Variants in ANXA4 observed in about 807,000 individuals in gnomAD.
ANXA4 encodes annexin A4, also known as 35-beta calcimedin.
Under a neutral mutation model 49.8 loss-of-function variants are expected in ANXA4, and 39 were observed. That is an observed-to-expected ratio of 0.78 (90% CI 0.61 to 1.02). ANXA4 has a LOEUF of 1.02. Among genes scored for constraint, ANXA4 ranks in the 50% least tolerant of loss-of-function variants. ANXA4 has a pLI of 0.00. For synonymous variants in ANXA4, 134 were observed against 152.5 expected (o/e 0.88, Z 0.89); for missense variants, 360 against 410.1 (o/e 0.88, Z 1.05).
chr2:69,758,431 G>C (rs1353367058), intron 1 of ANXA4, among the ~76,000 whole-genome samples: 1 of 152,138 alleles, frequency 6.6e-6, no homozygotes, highest in East Asian at 1.9e-4. Flanking sequence ...AGCCTGCTGG[G>C]CAACATAGGG....
In ANXA4 at chr2:69,763,029, A is replaced by G. The variant is rs766707501; in HGVS notation, c.-46-18491A>G. 2.8e-4 allele frequency among the ~76,000 whole-genome samples: 43 copies of G among 152,106 alleles called. 1 individual carries two copies. The highest frequency in any genetic ancestry group is 1.8e-3 in the Admixed American group (27 of 15,270). On this transcript the variant is annotated intron_variant, in intron 1 of 12. Transcript: ENST00000394295. Reference sequence around the variant, plus strand: ...TCTCCCTTTTCTTCCCTGTGCCTTCACGAGAATCTTGAATGAGAAACTGGG... The same window carrying G: ...TCTCCCTTTTCTTCCCTGTGCCTTCGCGAGAATCTTGAATGAGAAACTGGG...
Position 69,820,719 on chromosome 2 carries a change from CA to C in ANXA4, c.805del (p.Thr269ProfsTer5), listed in dbSNP as rs748307105. On this transcript the variant is annotated frameshift_variant, in exon 12 of 13. Transcript: ENST00000394295. LOFTEE classifies it high-confidence loss of function. Reference sequence around the variant, plus strand: ...CTTAGGGCTTGGGCACCGATGATAACACCCTCATCAGAGTGATGGTTTCTCG... The same window carrying C: ...CTTAGGGCTTGGGCACCGATGATAACCCCTCATCAGAGTGATGGTTTCTCG... ...SMKGLGTDDN[T>X]LIRVMVSRAE... 6.2e-7 allele frequency: 1 copy of C among 1,614,108 alleles called. No individual in the cohort carries two copies. Among genetic ancestry groups the C allele is most frequent in the Non-Finnish European group, 8.5e-7 (1 of 1,179,982 alleles).
intron 2 of ANXA4, among the ~76,000 whole-genome samples, chr2:69,685,131 T>C (rs947547458): frequency 2.6e-5 from 4 of 152,048 alleles, no homozygotes; most frequent in African/African-American, 9.7e-5. Flanking sequence ...ATGTAGATAA[T>C]GGTCTGTAAC....
intron 2 of ANXA4, among the ~76,000 whole-genome samples, chr2:69,702,432 T>C (rs1343431047): frequency 2.0e-5 from 3 of 152,116 alleles, no homozygotes; most frequent in Non-Finnish European, 2.9e-5. Flanking sequence ...CACCTCAAAT[T>C]ATTTTGAGAG....
At chr2:69,794,560 ATGT>A (rs1672845446) in intron 3 of ANXA4, among the ~76,000 whole-genome samples, 2 of 137,840 alleles carry the variant, frequency 1.5e-5, no homozygotes. Flanking sequence ...ATGTTATGTT[ATGT>A]TATGTTATGT....
At chr2:69,723,660 G>T (rs187975217) in intron 3 of ANXA4, among the ~76,000 whole-genome samples, 2 of 152,284 alleles carry the variant, frequency 1.3e-5, no homozygotes, top group East Asian at 3.9e-4. Context: ...AACTTTGGAT[G>T]TCCAATCCCA....
chr2:69,677,407 T>C (rs1217052104), intron 2 of ANXA4, among the ~76,000 whole-genome samples: 2 of 151,952 alleles, frequency 1.3e-5, no homozygotes, highest in African/African-American at 4.8e-5. Context: ...TTTTTGAATT[T>C]TTAGTAGAGA....
intron 2 of ANXA4, among the ~76,000 whole-genome samples, chr2:69,677,276 A>C (rs891745084): frequency 3.9e-5 from 6 of 152,028 alleles, no homozygotes; most frequent in Non-Finnish European, 1.5e-5. Flanking sequence ...TGTTGCCCAG[A>C]CTGGAGTGCA....
chr2:69,673,551 A>C (rs1312940574), intron 2 of ANXA4, among the ~76,000 whole-genome samples: 1 of 152,048 alleles, frequency 6.6e-6, no homozygotes, highest in Admixed American at 6.6e-5. Context: ...GAAATACCCA[A>C]TGTAGATGAC....
At chr2:69,807,400 G>A (rs760980221) in intron 5 of ANXA4, among the ~76,000 whole-genome samples, 6 of 152,152 alleles carry the variant, frequency 3.9e-5, no homozygotes, top group Non-Finnish European at 8.8e-5. Flanking sequence ...TAATGACCAA[G>A]TATGTAATGC....
At chr2:69,808,078 T>G (rs1051552521) in intron 6 of ANXA4, 82 bp downstream of exon 6, 73 of 1,352,580 alleles carry the variant, frequency 5.4e-5, no homozygotes, top group Non-Finnish European at 7.6e-5. Context: ...TGTTTGCTGA[T>G]TAGACTTTTC....
At chr2:69,786,629 G>C (rs1449903717) in intron 2 of ANXA4, among the ~76,000 whole-genome samples, 1 of 152,008 alleles carries the variant, frequency 6.6e-6, no homozygotes, top group Non-Finnish European at 1.5e-5. Flanking sequence ...TTTTATTATG[G>C]AAAACTTTAA....
At chr2:69,645,054 C>G (rs533260180) in intron 1 of ANXA4, 20 of 152,208 alleles carry the variant, frequency 1.3e-4, no homozygotes, top group African/African-American at 4.8e-4. Flanking sequence ...TCATCTCTGC[C>G]CGCTTTCCCC....
upstream of ANXA4, among the ~76,000 whole-genome samples, chr2:69,741,401 C>T (rs912339662): frequency 1.3e-5 from 2 of 152,156 alleles, no homozygotes; most frequent in Non-Finnish European, 2.9e-5. Flanking sequence ...GGATGAGCGC[C>T]GCGCCAAGCC....
At chr2:69,694,362 TTTC>T (rs200632289) in intron 2 of ANXA4, among the ~76,000 whole-genome samples, 1,773 of 138,862 alleles carry the variant, frequency 0.013, 27 homozygotes, top group African/African-American at 0.043. Context: ...AAACAATACA[TTTC>T]TTTTTTTTTT....
At chr2:69,759,738 A>C (rs995412974) in intron 1 of ANXA4, among the ~76,000 whole-genome samples, 2 of 152,230 alleles carry the variant, frequency 1.3e-5, no homozygotes, top group African/African-American at 4.8e-5. Flanking sequence ...GAGGCTGCTA[A>C]AACAAAACCA....
intron 1 of ANXA4, among the ~76,000 whole-genome samples, chr2:69,764,455 A>G (rs886560487): frequency 2.6e-5 from 4 of 152,212 alleles, no homozygotes; most frequent in African/African-American, 4.8e-5. Flanking sequence ...CAAAAGCCAC[A>G]TGGATTCCAC....
At chr2:69,684,304 C>T (rs932710069) in intron 2 of ANXA4, among the ~76,000 whole-genome samples, 2 of 152,212 alleles carry the variant, frequency 1.3e-5, no homozygotes, top group African/African-American at 2.4e-5. Context: ...ATTGCCATTA[C>T]ATCTGCCCGA....
intron 2 of ANXA4, among the ~76,000 whole-genome samples, chr2:69,681,716 A>G (rs1677606768): frequency 6.6e-6 from 1 of 152,114 alleles, no homozygotes; most frequent in South Asian, 2.1e-4. Context: ...TTACTTTTTC[A>G]AAAAGACAAC....
Sources: gnomAD v4.1 joint callset for allele counts (sites outside exome capture counted in the v4.1 genomes callset) on GRCh38, gnomAD v4.1.1 for gene constraint, MANE v1.5 for transcripts, NCBI Gene and HGNC (gene_info 2026-07-23, HGNC 2026-07-21) for gene names.